Variants in MALRD1 observed in about 807,000 individuals in gnomAD.
The protein encoded by MALRD1 is MAM and LDL-receptor class A domain-containing protein 1.
In MALRD1, 247 loss-of-function variants were observed where a neutral mutation model predicts 242.1. The ratio of observed to expected loss-of-function variants is 1.02; its 90% CI spans 0.92 to 1.13. The LOEUF is 1.13. MALRD1 is among the 50% of genes most tolerant of loss of function. MALRD1 has a pLI of 0.00. For synonymous variants in MALRD1, 995 were observed against 866.6 expected (o/e 1.15, Z -2.60); for missense variants, 2,989 against 2,533.1 (o/e 1.18, Z -3.86).
chr10:19,278,357 T>A (rs572478112), intron 19 of MALRD1, among the ~76,000 whole-genome samples: 1 of 152,324 alleles, frequency 6.6e-6, no homozygotes, highest in South Asian at 2.1e-4. Context: ...ATCTGATATA[T>A]GGTTTTCCTC....
chr10:19,191,403 A>G (rs775640141), intron 14 of MALRD1, among the ~76,000 whole-genome samples: 22 of 152,228 alleles, frequency 1.4e-4, no homozygotes, highest in Non-Finnish European at 2.8e-4. Context: ...GGAATGTAAA[A>G]TGGCATAGCT....
chr10:19,670,921 C>T (rs1340660641), intron 36 of MALRD1, among the ~76,000 whole-genome samples: 10 of 150,792 alleles, frequency 6.6e-5, no homozygotes, highest in South Asian at 2.1e-4. Flanking sequence ...CTCTGTTGCC[C>T]GGGCTGGAGT....
chr10:19,678,374 A>G (rs1376910720), intron 36 of MALRD1, among the ~76,000 whole-genome samples: 1 of 152,132 alleles, frequency 6.6e-6, no homozygotes, highest in Non-Finnish European at 1.5e-5. Flanking sequence ...CTCCTTGAAG[A>G]GGGCCTTCAT....
chr10:19,653,554 G>T (rs775136000), intron 36 of MALRD1, among the ~76,000 whole-genome samples: 1 of 152,104 alleles, frequency 6.6e-6, no homozygotes, highest in Non-Finnish European at 1.5e-5. Flanking sequence ...TTGGGAAGGA[G>T]CTTAAAGTTT....
chr10:19,471,447 C>G (rs1028012503), intron 29 of MALRD1, among the ~76,000 whole-genome samples: 1 of 151,380 alleles, frequency 6.6e-6, no homozygotes, highest in Admixed American at 6.6e-5. Context: ...AATTTTAGGA[C>G]TTTTTTTTCT....
chr10:19,121,425 A>G (rs768567622), intron 5 of MALRD1, among the ~76,000 whole-genome samples: 111 of 152,292 alleles, frequency 7.3e-4, no homozygotes, highest in Admixed American at 2.6e-3. Flanking sequence ...ACTGTTATTG[A>G]CATAGGTTCA....
intron 24 of MALRD1, among the ~76,000 whole-genome samples, chr10:19,346,824 A>G (rs1421057106): frequency 2.0e-5 from 3 of 151,500 alleles, no homozygotes; most frequent in African/African-American, 7.3e-5. Context: ...CTAATTTTGT[A>G]TTTTTAGTAG....
intron 31 of MALRD1, among the ~76,000 whole-genome samples, chr10:19,527,578 T>A (rs1271605267): frequency 6.6e-6 from 1 of 152,180 alleles, no homozygotes; most frequent in East Asian, 1.9e-4. Flanking sequence ...TTAAATAGAA[T>A]CTGCTTCTGA....
chr10:19,555,582 A>G (rs560237948), intron 32 of MALRD1, among the ~76,000 whole-genome samples: 17 of 152,290 alleles, frequency 1.1e-4, no homozygotes, highest in African/African-American at 3.8e-4. Flanking sequence ...ATGCTAGAGC[A>G]TAAGGAGGCA....
intron 28 of MALRD1, among the ~76,000 whole-genome samples, chr10:19,395,682 A>G (rs541248995): frequency 8.9e-4 from 135 of 152,356 alleles, no homozygotes; most frequent in African/African-American, 3.1e-3. Flanking sequence ...ACACACCCAG[A>G]GTTTAATTCA....
intron 18 of MALRD1, among the ~76,000 whole-genome samples, chr10:19,239,341 A>C (rs1426731513): frequency 6.6e-6 from 1 of 152,038 alleles, no homozygotes; most frequent in African/African-American, 2.4e-5. Flanking sequence ...TTTTTAAATA[A>C]GTTATTTGTG....
At chr10:19,310,598 G>C (rs116522935) in intron 21 of MALRD1, among the ~76,000 whole-genome samples, 3 of 151,496 alleles carry the variant, frequency 2.0e-5, no homozygotes, top group Admixed American at 6.6e-5. Flanking sequence ...CATCCAAATA[G>C]CTGTTCTTCA....
chr10:19,325,006 C>CTTTTTTTTT (rs34290618), intron 22 of MALRD1, among the ~76,000 whole-genome samples: 49 of 77,958 alleles, frequency 6.3e-4, no homozygotes, highest in East Asian at 1.3e-3. Flanking sequence ...TCAGTAGTTG[C>CTTTTTTTTT]TTTTTTTTTT....
intron 7 of MALRD1, among the ~76,000 whole-genome samples, chr10:19,125,313 C>CTTT (rs1564407816): frequency 1.1e-4 from 7 of 63,218 alleles, no homozygotes; most frequent in African/African-American, 5.7e-4. Flanking sequence ...TTCCTTCCTT[C>CTTT]CTTCCTTCCT....
chr10:19,130,916 C>G (rs1378951549), intron 8 of MALRD1, among the ~76,000 whole-genome samples: 1 of 151,992 alleles, frequency 6.6e-6, no homozygotes, highest in African/African-American at 2.4e-5. Context: ...ATACAGTTAT[C>G]AAGATTCTGT....
chr10:19,146,430 T>C, intron 11 of MALRD1, 86 bp downstream of exon 11: 1 of 1,107,134 alleles, frequency 9.0e-7, no homozygotes, highest in Non-Finnish European at 1.1e-6. Flanking sequence ...ATTTCTATTC[T>C]GTAGACTGTA....
chr10:19,280,425 T>C (rs970675373), intron 20 of MALRD1, among the ~76,000 whole-genome samples: 1 of 152,174 alleles, frequency 6.6e-6, no homozygotes, highest in Non-Finnish European at 1.5e-5. Flanking sequence ...AAGTGGTAAG[T>C]GTCTTTAGAT....
At position 19,433,249 on chromosome 10, in the gene MALRD1, G is replaced by GGTCA. The variant is rs765145207; in HGVS notation, c.4846-17055_4846-17052dup. On this transcript the variant is annotated intron_variant, in intron 28 of 39. Transcript: ENST00000454679. ...CAGGGAGGCATGCCTTTGTTGAGGG[G>GGTCA]GTCAGTGAAGGCTCCCATGAGGACG... Among the ~76,000 whole-genome samples, 6 of 152,258 alleles carry GGTCA rather than the reference G, an allele frequency of 3.9e-5. No individual in the cohort carries two copies. The East Asian group carries it at 1.2e-3, about 29-fold the overall frequency.
At chr10:19,354,079 A>T (rs1432894640) in intron 26 of MALRD1, among the ~76,000 whole-genome samples, 1 of 152,086 alleles carries the variant, frequency 6.6e-6, no homozygotes, top group Non-Finnish European at 1.5e-5. Context: ...TTAATAAACA[A>T]CTATTGAGTG....
Sources: gnomAD v4.1 joint callset for allele counts (sites outside exome capture counted in the v4.1 genomes callset) on GRCh38, gnomAD v4.1.1 for gene constraint, MANE v1.5 for transcripts, NCBI Gene and HGNC (gene_info 2026-07-23, HGNC 2026-07-21) for gene names.